WFDC3: variants seen among roughly 807,000 people sequenced by gnomAD.
The protein encoded by WFDC3 is WAP four-disulfide core domain 3.
WFDC3 carries 15 observed loss-of-function variants against 25.8 expected under a neutral mutation model. The observed-to-expected ratio is 0.58, with a 90% confidence interval of 0.39 to 0.89. The LOEUF is 0.89. WFDC3 is among the 40% of genes least tolerant of loss of function. The probability of loss-of-function intolerance (pLI) is 0.00; values close to 1 mark genes in which losing one functional copy is unlikely to be tolerated. For synonymous variants in WFDC3, 103 were observed against 107.1 expected, an observed-to-expected ratio of 0.96 and a Z score of 0.24; for missense variants, 264 against 289.8, an observed-to-expected ratio of 0.91 and a Z score of 0.65.
intron 4 of WFDC3, among the ~76,000 whole-genome samples, chr20:45,783,961 G>A (rs186688271): frequency 6.6e-6 from 1 of 152,308 alleles, no homozygotes; most frequent in Admixed American, 6.5e-5. Flanking sequence ...CAGCCCAGCA[G>A]GCTCTGGGAC....
chr20:45,787,148 G>A (rs1424872051), intron 4 of WFDC3, among the ~76,000 whole-genome samples: 1 of 135,340 alleles, frequency 7.4e-6, no homozygotes, highest in Non-Finnish European at 1.6e-5. Flanking sequence ...GTGGGGAAAT[G>A]TGTGCCACCT....
At chr20:45,781,817 CTT>C (rs1980457802) in intron 4 of WFDC3, among the ~76,000 whole-genome samples, 1 of 152,164 alleles carries the variant, frequency 6.6e-6, no homozygotes, top group Non-Finnish European at 1.5e-5. Flanking sequence ...GTGAACCACT[CTT>C]ATCAGTTAGA....
intron 4 of WFDC3, among the ~76,000 whole-genome samples, chr20:45,779,080 C>A (rs926079732): frequency 9.9e-5 from 15 of 152,210 alleles, no homozygotes; most frequent in African/African-American, 3.6e-4. Context: ...CAGGACAACA[C>A]TCAGCCTCTT....
intron 4 of WFDC3, among the ~76,000 whole-genome samples, chr20:45,786,234 A>G (rs1980661906): frequency 6.6e-6 from 1 of 152,140 alleles, no homozygotes; most frequent in African/African-American, 2.4e-5. Context: ...TCCTAAAAAT[A>G]CAAAAATTAG....
rs1453473326 is a variant in WFDC3, at chr20:45,774,297, A to G, written c.*131T>C. 1.6e-6 allele frequency: 2 copies of G among 1,237,994 alleles called. No individual in the cohort carries two copies. The highest frequency in any genetic ancestry group is 3.0e-5 in the African/African-American group (2 of 67,242). 76.7% of individuals were successfully genotyped at this position (1,237,994 alleles called of 1,614,324 possible). On this transcript the variant is annotated 3_prime_UTR_variant, in exon 7 of 7. Transcript: ENST00000243938. Reference sequence around the variant, plus strand: ...TATTTCCCATGCTCTGGTCAGCGGCAGGAGGAGAAGCAGAGCAGAGAGGGC... The same window carrying G: ...TATTTCCCATGCTCTGGTCAGCGGCGGGAGGAGAAGCAGAGCAGAGAGGGC...
chr20:45,776,318 G>A (rs3972765), intron 5 of WFDC3, among the ~76,000 whole-genome samples: 2,024 of 139,650 alleles, frequency 0.014, 43 homozygotes, highest in African/African-American at 0.04. Context: ...GTGTGTGTGT[G>A]TGTTTCCAGC....
Position 45,787,904 on chromosome 20 carries a change from C to T in WFDC3, c.290G>A (p.Gly97Asp). 2 of 1,614,162 alleles carry T rather than the reference C, an allele frequency of 1.2e-6. No homozygotes were observed. The highest frequency in any genetic ancestry group is 1.7e-6 in the Non-Finnish European group (2 of 1,180,032). ...KRCITDETCP[G>D]VKKCCTLGCN... is the part of the protein sequence containing the mutation. ...GCCAAGCGTGCAGCATTTCTTTACA[C>T]CTGGACATGTCTCATCAGTGATGCA... The change falls in exon 4 of 7, where the codon GGT (glycine) becomes GAT (aspartate). Residue 97 changes from glycine to aspartate, a missense_variant. Coordinates refer to ENST00000243938, the MANE Select transcript of WFDC3 (RefSeq NM_080614.2).
intron 4 of WFDC3, among the ~76,000 whole-genome samples, chr20:45,783,876 G>C (rs1361956717): frequency 1.3e-5 from 2 of 152,166 alleles, no homozygotes; most frequent in African/African-American, 4.8e-5. Flanking sequence ...CTCCCCTAGG[G>C]CTGGAGCTAT....
rs1012908375 is a variant in WFDC3, at chr20:45,791,852, T to A, written c.-28A>T. The A allele has an allele frequency of 8.5e-6, 4 of 472,788 alleles. No individual in the cohort carries two copies. The highest frequency in any genetic ancestry group is 6.0e-5 in the African/African-American group (3 of 49,878). The allele number at this position is 472,788 out of a possible 1,614,324, so 29.3% of individuals were successfully genotyped here. A position where few individuals can be genotyped will look rare whatever the true frequency, so the allele number is the denominator to read the frequency against. On this transcript the variant is annotated 5_prime_UTR_variant, in exon 1 of 7. Transcript: ENST00000243938. ...CCTACAAGGCCTCTAAGTGTAACTGTCCTGGGCGAGGCGCGGCGGTTCGGT... is the reference window on the plus strand; with the variant it reads ...CCTACAAGGCCTCTAAGTGTAACTGACCTGGGCGAGGCGCGGCGGTTCGGT...
At chr20:45,776,692 T>C (rs902465192) in intron 5 of WFDC3, among the ~76,000 whole-genome samples, 4 of 147,584 alleles carry the variant, frequency 2.7e-5, no homozygotes, top group African/African-American at 1.0e-4. Context: ...AAGATTTCAT[T>C]TGGGGCAGGG....
At chr20:45,789,172 C>G in intron 2 of WFDC3, 113 bp from the exon 3 acceptor site, 7 of 1,404,850 alleles carry the variant, frequency 5.0e-6, no homozygotes, top group Non-Finnish European at 6.7e-6. Flanking sequence ...CCACTGCACT[C>G]TAGCCTGGGT....
chr20:45,790,888 A>G, intron 1 of WFDC3: 1 of 471,174 alleles, frequency 2.1e-6, no homozygotes, highest in Non-Finnish European at 4.4e-6. Flanking sequence ...AGAACCCAAG[A>G]GAAGTTGCTA....
At chr20:45,783,408 G>T (rs967270308) in intron 4 of WFDC3, among the ~76,000 whole-genome samples, 1 of 151,984 alleles carries the variant, frequency 6.6e-6, no homozygotes, top group Admixed American at 6.6e-5. Flanking sequence ...AGCCCAGGAG[G>T]TTGAGGCTGC....
At position 45,791,870 on chromosome 20, in the gene WFDC3, G is replaced by A. The variant is rs1441053373; in HGVS notation, c.-46C>T. 1 of 555,860 alleles carries A rather than the reference G, an allele frequency of 1.8e-6. No homozygotes were observed. The highest frequency in any genetic ancestry group is 2.7e-6 in the Non-Finnish European group (1 of 370,556). 34.4% of individuals were successfully genotyped at this position (555,860 alleles called of 1,614,324 possible). On this transcript the variant is annotated 5_prime_UTR_variant, in exon 1 of 7. Coordinates refer to ENST00000243938, the MANE Select transcript of WFDC3 (RefSeq NM_080614.2). ...GTAACTGTCCTGGGCGAGGCGCGGCGGTTCGGTTCCCATGGTAACCCCGCA... is the reference window on the plus strand; with the variant it reads ...GTAACTGTCCTGGGCGAGGCGCGGCAGTTCGGTTCCCATGGTAACCCCGCA...
At chr20:45,787,216 A>AT (rs1980712745) in intron 4 of WFDC3, among the ~76,000 whole-genome samples, 2 of 138,816 alleles carry the variant, frequency 1.4e-5, no homozygotes, top group African/African-American at 2.7e-5. Flanking sequence ...TCAGGATAAG[A>AT]TTTTTTAACA....
intron 4 of WFDC3, among the ~76,000 whole-genome samples, chr20:45,780,914 C>T (rs1980412240): frequency 6.6e-6 from 1 of 151,968 alleles, no homozygotes; most frequent in Admixed American, 6.6e-5. Flanking sequence ...GTCACAAATC[C>T]CCAGCTCTGA....
At chr20:45,783,449 G>A (rs915542857) in intron 4 of WFDC3, among the ~76,000 whole-genome samples, 4 of 151,996 alleles carry the variant, frequency 2.6e-5, no homozygotes, top group Non-Finnish European at 5.9e-5. Flanking sequence ...CTGCACTCCA[G>A]CCTGGGTGAT....
intron 6 of WFDC3, 98 bp downstream of exon 6, chr20:45,775,319 C>T: frequency 6.7e-7 from 1 of 1,497,702 alleles, no homozygotes; most frequent in South Asian, 1.3e-5. Flanking sequence ...TCCAACTAGA[C>T]TTTTCCTGAC....
At position 45,775,412 on chromosome 20, in the gene WFDC3, C is replaced by T. The variant is rs202021934; in HGVS notation, c.679+5G>A. The T allele has an allele frequency of 1.9e-5, 31 of 1,613,752 alleles. No homozygotes were observed. The African/African-American group carries it at 4.0e-4, about 21-fold the overall frequency. ...TTATTGTTGATGACAATGGACTGTA[C>T]TCACCTAATTCGGAATCAGACCTCA... On this transcript the variant is annotated splice_donor_5th_base_variant and intron_variant, in intron 6 of 6. Coordinates refer to ENST00000243938, the MANE Select transcript of WFDC3 (RefSeq NM_080614.2).
Sources: gnomAD v4.1 joint callset for allele counts (sites outside exome capture counted in the v4.1 genomes callset) on GRCh38, gnomAD v4.1.1 for gene constraint, MANE v1.5 for transcripts, NCBI Gene and HGNC (gene_info 2026-07-23, HGNC 2026-07-21) for gene names.